Variants in CCDC50 observed in about 807,000 individuals in gnomAD.
CCDC50 encodes the protein coiled-coil domain-containing protein 50.
CCDC50 carries 54 observed loss-of-function variants against 70.2 expected under a neutral mutation model. That is an observed-to-expected ratio of 0.77 (90% CI 0.62 to 0.96). CCDC50 has a LOEUF of 0.96. CCDC50 is among the 50% of genes least tolerant of loss of function. The pLI is 0.00. For missense variants in CCDC50, 558 were observed against 578.7 expected, an observed-to-expected ratio of 0.96 and a Z score of 0.37; for synonymous variants, 216 against 198.8, an observed-to-expected ratio of 1.09 and a Z score of -0.73.
At chr3:191,384,167 C>T (rs1713412432) in intron 10 of CCDC50, among the ~76,000 whole-genome samples, 1 of 151,590 alleles carries the variant, frequency 6.6e-6, no homozygotes, top group Non-Finnish European at 1.5e-5. Context: ...TCAAATGATC[C>T]TGTATTAAAA....
At chr3:191,335,940 C>T (rs1711513780) in intron 1 of CCDC50, among the ~76,000 whole-genome samples, 1 of 151,208 alleles carries the variant, frequency 6.6e-6, no homozygotes, top group African/African-American at 2.4e-5. Flanking sequence ...TTCATGCCCC[C>T]ACCAGCCACT....
intron 4 of CCDC50, among the ~76,000 whole-genome samples, chr3:191,369,231 T>C (rs1712811530): frequency 6.6e-6 from 1 of 152,198 alleles, no homozygotes; most frequent in Non-Finnish European, 1.5e-5. Context: ...ATTCCCTCTT[T>C]TGTACTCCCG....
chr3:191,366,349 T>C (rs1325987901), intron 4 of CCDC50, among the ~76,000 whole-genome samples: 14 of 152,062 alleles, frequency 9.2e-5, no homozygotes, highest in Admixed American at 9.2e-4. Flanking sequence ...ACTGTTTCCT[T>C]CCTTATGGTT....
intron 1 of CCDC50, among the ~76,000 whole-genome samples, chr3:191,344,410 A>G (rs1393984799): frequency 6.6e-6 from 1 of 152,166 alleles, no homozygotes; most frequent in Admixed American, 6.5e-5. Flanking sequence ...AACTGAGGAG[A>G]TCTGAATTTT....
In CCDC50 at chr3:191,388,922, C is replaced by CTT. The variant is rs5855367; in HGVS notation, c.1323-560_1323-559dup. On this transcript the variant is annotated intron_variant, in intron 10 of 11. Coordinates refer to ENST00000392455, the MANE Select transcript of CCDC50 (RefSeq NM_178335.3). Reference sequence around the variant, plus strand: ...AAGTTTAGAGTAGTAAAAATTATATCTTTTTTTTTTTTTTTACATTTTTTG... The same window carrying CTT: ...AAGTTTAGAGTAGTAAAAATTATATCTTTTTTTTTTTTTTTTTACATTTTTTG... 3.7e-4 allele frequency among the ~76,000 whole-genome samples: 54 copies of CTT among 146,704 alleles called. No individual in the cohort carries two copies. The East Asian group carries it at 4.0e-3, about 11-fold the overall frequency.
rs149548055 is a variant in CCDC50 at position 191,365,362 on chromosome 3, A to C, written c.330+4203A>C. On this transcript the variant is annotated intron_variant, in intron 4 of 11. Transcript: ENST00000392455. ...AGATTAGAATTTCATGTTCTAAAAG[A>C]ATATTTACACATTCTTTGGTAATAT... Among the ~76,000 whole-genome samples the C allele has an allele frequency of 2.5e-3, 379 of 152,098 alleles. 1 individual carries two copies. Among genetic ancestry groups the C allele is most frequent in the African/African-American group, 8.7e-3 (359 of 41,478 alleles).
intron 10 of CCDC50, among the ~76,000 whole-genome samples, chr3:191,386,215 C>CTTT (rs1713488633): frequency 9.1e-5 from 4 of 44,166 alleles, no homozygotes; most frequent in African/African-American, 2.7e-4. Flanking sequence ...TTAGTATGGG[C>CTTT]ATTTTTTTTT....
chr3:191,331,858 G>C (rs905173921), intron 1 of CCDC50, among the ~76,000 whole-genome samples: 3 of 152,170 alleles, frequency 2.0e-5, no homozygotes, highest in Non-Finnish European at 2.9e-5. Flanking sequence ...TGCAAACATT[G>C]AGACTGTGGT....
chr3:191,354,533 A>G (rs1383648178), intron 1 of CCDC50, among the ~76,000 whole-genome samples: 2 of 152,248 alleles, frequency 1.3e-5, no homozygotes, highest in Admixed American at 6.5e-5. Context: ...TTAGAAACAT[A>G]GAAAACATAT....
At chr3:191,383,182 C>G (rs1008998734) in intron 10 of CCDC50, among the ~76,000 whole-genome samples, 8 of 152,054 alleles carry the variant, frequency 5.3e-5, no homozygotes, top group African/African-American at 1.7e-4. Context: ...GGTTTCATAG[C>G]CACACTGATG....
chr3:191,341,961 T>A (rs537793643), intron 1 of CCDC50, among the ~76,000 whole-genome samples: 1 of 152,212 alleles, frequency 6.6e-6, no homozygotes, highest in East Asian at 1.9e-4. Context: ...TAGGCAGATA[T>A]AGCTCCTGAT....
In CCDC50 at chr3:191,347,573, A is replaced by G. The variant is rs111866664; in HGVS notation, c.50-9515A>G. ...CATTTAACTATGCGATCTTGGGCAT[A>G]TTATTACAAATCTCAGCCATCATTT... is the stretch of plus-strand genomic sequence containing the variant. On this transcript the variant is annotated intron_variant, in intron 1 of 11. Coordinates refer to ENST00000392455, the MANE Select transcript of CCDC50 (RefSeq NM_178335.3). Among the ~76,000 whole-genome samples, 7 of 142,616 alleles carry G rather than the reference A, an allele frequency of 4.9e-5. 2 individuals are homozygous for G. The highest frequency in any genetic ancestry group is 2.5e-5 in the African/African-American group (1 of 39,962). The allele number at this position is 142,616 out of a possible 152,430, so 93.6% of individuals were successfully genotyped here. A position where few individuals can be genotyped will look rare whatever the true frequency, so the allele number is the denominator to read the frequency against.
intron 11 of CCDC50, among the ~76,000 whole-genome samples, chr3:191,391,483 G>A (rs969078000): frequency 3.3e-5 from 5 of 152,132 alleles, no homozygotes; most frequent in Non-Finnish European, 5.9e-5. Flanking sequence ...CACTGTTCCC[G>A]ATTTAACGAA....
chr3:191,362,573 A>G (rs571281933), intron 4 of CCDC50, among the ~76,000 whole-genome samples: 4 of 152,364 alleles, frequency 2.6e-5, no homozygotes, highest in South Asian at 4.1e-4. Context: ...TTGGATAACA[A>G]TATGGTTTGT....
In CCDC50 at chr3:191,365,075, T is replaced by C. The variant is rs954553314; in HGVS notation, c.330+3916T>C. On this transcript the variant is annotated intron_variant, in intron 4 of 11. Transcript: ENST00000392455. ...AACTCTAAAAGTGTGTGTGTACTTA[T>C]GTGCATGACTAGATGTGTGTGTGTG... is the stretch of plus-strand genomic sequence containing the variant. Among the ~76,000 whole-genome samples, 7 of 142,238 alleles carry C rather than the reference T, an allele frequency of 4.9e-5. No individual in the cohort carries two copies. The East Asian group carries it at 8.0e-4, about 16-fold the overall frequency. The allele number at this position is 142,238 out of a possible 152,430, so 93.3% of individuals were successfully genotyped here.
chr3:191,362,656 A>G (rs1336232282), intron 4 of CCDC50, among the ~76,000 whole-genome samples: 2 of 152,190 alleles, frequency 1.3e-5, no homozygotes, highest in African/African-American at 4.8e-5. Context: ...CACTGGGCAA[A>G]CTGGCACTTA....
chr3:191,342,714 T>G (rs913804778), intron 1 of CCDC50, among the ~76,000 whole-genome samples: 31 of 152,182 alleles, frequency 2.0e-4, no homozygotes, highest in African/African-American at 7.2e-4. Context: ...CCAGGAAAAG[T>G]GCCATTCAAG....
In CCDC50 at chr3:191,329,608, G is replaced by GCCCCGCTCGGCGCCGGCGGTC; in HGVS notation, c.-47_-46insCCCCCGCTCGGCGCCGGCGGT. 1 of 1,537,996 alleles carries GCCCCGCTCGGCGCCGGCGGTC rather than the reference G, an allele frequency of 6.5e-7. No homozygotes were observed. The highest frequency in any genetic ancestry group is 8.8e-7 in the Non-Finnish European group (1 of 1,133,798). On this transcript the variant is annotated 5_prime_UTR_variant, in exon 1 of 12. Transcript: ENST00000392455. ...GTCCGGCGCTGCTGCTGCGCTCGGG[G>GCCCCGCTCGGCGCCGGCGGTC]CCCCGCTCGGCGCCGGCGGTGACCG...
intron 10 of CCDC50, among the ~76,000 whole-genome samples, chr3:191,387,078 AC>A (rs1302783944): frequency 6.6e-6 from 1 of 152,164 alleles, no homozygotes; most frequent in East Asian, 1.9e-4. Flanking sequence ...TTTATTGAGC[AC>A]CCTATTAATT....
Sources: gnomAD v4.1 joint callset for allele counts (sites outside exome capture counted in the v4.1 genomes callset) on GRCh38, gnomAD v4.1.1 for gene constraint, MANE v1.5 for transcripts, NCBI Gene and HGNC (gene_info 2026-07-23, HGNC 2026-07-21) for gene names.